Variants in AK9 observed in about 807,000 individuals in gnomAD.
AK9 encodes adenylate kinase 9.
A neutral mutation model predicts 239.6 loss-of-function variants in AK9; 191 were observed. The ratio of observed to expected loss-of-function variants is 0.80; its 90% confidence interval spans 0.71 to 0.90. The LOEUF (loss-of-function observed/expected upper bound fraction) is 0.90. Ranked by LOEUF, AK9 falls within the 40% of genes least tolerant of loss-of-function variation. The pLI is 0.00. For missense variants in AK9, 1,995 were observed against 2,214.7 expected (o/e 0.90, Z 1.99); for synonymous variants, 689 against 721.0 (o/e 0.96, Z 0.71).
intron 21 of AK9, among the ~76,000 whole-genome samples, chr6:109,570,279 G>A (rs950855597): frequency 5.9e-5 from 9 of 151,956 alleles, no homozygotes; most frequent in African/African-American, 1.4e-4. Context: ...GGAGCCTGTC[G>A]TGGGGTGGGG....
chr6:109,644,258 T>G (rs1583395051), intron 9 of AK9, among the ~76,000 whole-genome samples: 1 of 152,336 alleles, frequency 6.6e-6, no homozygotes, highest in African/African-American at 2.4e-5. Flanking sequence ...TTATGTTTGT[T>G]TGTTTTTACT....
rs1394292863 is a variant in AK9, at chr6:109,564,045, C to G, written c.2635+35G>C. ...AAAATGCTTCTAATACTATCACCTGCTGTTGATAATAAATGTTATGATTAA... is the reference window on the plus strand; with the variant it reads ...AAAATGCTTCTAATACTATCACCTGGTGTTGATAATAAATGTTATGATTAA... On this transcript the variant is annotated intron_variant, in intron 23 of 40. Coordinates refer to ENST00000424296, the MANE Select transcript of AK9 (RefSeq NM_001145128.3). 2.0e-6 allele frequency: 3 copies of G among 1,514,128 alleles called. No homozygotes were observed. The Admixed American group carries it at 6.3e-5, about 32-fold the overall frequency. 93.8% of individuals were successfully genotyped at this position (1,514,128 alleles called of 1,614,324 possible).
chr6:109,641,670 C>T, intron 9 of AK9, 54 bp from the exon 10 acceptor site: 1 of 1,469,980 alleles, frequency 6.8e-7, no homozygotes, highest in Non-Finnish European at 9.4e-7. Flanking sequence ...ATCTCAAATA[C>T]TCTGAAACAG....
chr6:109,528,053 A>T (rs1010620972), intron 29 of AK9: 31 of 157,046 alleles, frequency 2.0e-4, no homozygotes, highest in Non-Finnish European at 3.5e-4. Context: ...GTTGAATGTC[A>T]CATGTGTCAG....
intron 17 of AK9, among the ~76,000 whole-genome samples, chr6:109,605,340 G>A (rs1390220162): frequency 6.6e-6 from 1 of 152,172 alleles, no homozygotes; most frequent in African/African-American, 2.4e-5. Context: ...GTGGTCTGCA[G>A]CCTGAAGCCA....
At chr6:109,685,482 G>T (rs1283325749) in intron 1 of AK9, among the ~76,000 whole-genome samples, 1 of 150,864 alleles carries the variant, frequency 6.6e-6, no homozygotes, top group Non-Finnish European at 1.5e-5. Flanking sequence ...CACAAGAACA[G>T]AAAACCAAAC....
chr6:109,569,450 G>A (rs186022218), intron 21 of AK9, among the ~76,000 whole-genome samples: 1 of 152,230 alleles, frequency 6.6e-6, no homozygotes, highest in East Asian at 1.9e-4. Flanking sequence ...AAACTAAGGA[G>A]GTTCTGCCCA....
At chr6:109,620,911 C>A (rs1350125002) in intron 12 of AK9, among the ~76,000 whole-genome samples, 4 of 151,150 alleles carry the variant, frequency 2.6e-5, no homozygotes, top group Admixed American at 6.6e-5. Flanking sequence ...AAGAGCATAA[C>A]CATTAGGCAT....
chr6:109,523,243 AAG>A (rs35068362), intron 29 of AK9, among the ~76,000 whole-genome samples: 52,354 of 151,814 alleles, frequency 0.34, 9,479 homozygotes, highest in South Asian at 0.44. Flanking sequence ...AAGATCATCT[AAG>A]AGACTCTCAG....
intron 27 of AK9, among the ~76,000 whole-genome samples, chr6:109,538,553 T>G (rs1162838475): frequency 2.0e-5 from 3 of 152,150 alleles, no homozygotes; most frequent in Non-Finnish European, 4.4e-5. Context: ...TCTTGACTCT[T>G]TATCCAATTT....
rs147633252 is a variant in AK9, at chr6:109,565,996, A to G, written c.2345-1151T>C. On this transcript the variant is annotated intron_variant, in intron 21 of 40. Coordinates refer to ENST00000424296, the MANE Select transcript of AK9 (RefSeq NM_001145128.3). ...TCAATTAAGAAAATCATTACAAACC[A>G]TGGAAGAGAAAAGAACACCAAGAAT... Among the ~76,000 whole-genome samples the G allele has an allele frequency of 4.6e-4, 70 of 152,264 alleles. No individual in the cohort carries two copies. The East Asian group carries it at 6.6e-3, about 14-fold the overall frequency.
chr6:109,626,926 C>T (rs545112888), intron 12 of AK9, among the ~76,000 whole-genome samples: 2 of 152,194 alleles, frequency 1.3e-5, no homozygotes, highest in Admixed American at 6.5e-5. Flanking sequence ...TTAGGCTACA[C>T]TAAATTTATT....
chr6:109,596,795 G>A (rs1056517754), intron 17 of AK9, among the ~76,000 whole-genome samples: 2 of 152,178 alleles, frequency 1.3e-5, no homozygotes, highest in African/African-American at 2.4e-5. Flanking sequence ...ATAGAGCTGC[G>A]ATAAATATAT....
intron 24 of AK9, among the ~76,000 whole-genome samples, chr6:109,552,945 C>G (rs1239532681): frequency 1.3e-5 from 2 of 152,168 alleles, no homozygotes; most frequent in Non-Finnish European, 2.9e-5. Context: ...TTCCCAGCAC[C>G]ATTTACTGAA....
chr6:109,514,556 AAAACTAATTAT>A, intron 31 of AK9, 119 bp from the exon 32 acceptor site: 1 of 833,624 alleles, frequency 1.2e-6, no homozygotes, highest in Non-Finnish European at 1.8e-6. Flanking sequence ...ACAGAATAAG[AAAACTAATTAT>A]AATCAAAGGT....
chr6:109,643,764 C>A (rs909234125), intron 9 of AK9, among the ~76,000 whole-genome samples: 3 of 152,122 alleles, frequency 2.0e-5, no homozygotes, highest in African/African-American at 7.2e-5. Flanking sequence ...ACGTTCCAGT[C>A]CTATATTCAG....
intron 21 of AK9, among the ~76,000 whole-genome samples, chr6:109,570,096 A>G (rs1288204392): frequency 6.6e-6 from 1 of 152,236 alleles, no homozygotes; most frequent in Non-Finnish European, 1.5e-5. Context: ...AATACTATGC[A>G]GCCATTAAAA....
At chr6:109,642,334 T>A (rs1186290376) in intron 9 of AK9, among the ~76,000 whole-genome samples, 1 of 152,130 alleles carries the variant, frequency 6.6e-6, no homozygotes, top group African/African-American at 2.4e-5. Flanking sequence ...ACACAGATCA[T>A]GAGATGGGAG....
chr6:109,653,105 T>A (rs2128306622), intron 8 of AK9, among the ~76,000 whole-genome samples: 1 of 152,248 alleles, frequency 6.6e-6, no homozygotes, highest in African/African-American at 2.4e-5. Flanking sequence ...TTTTGTATTT[T>A]TAGTAGAGAG....
Sources: gnomAD v4.1 joint callset for allele counts (sites outside exome capture counted in the v4.1 genomes callset) on GRCh38, gnomAD v4.1.1 for gene constraint, MANE v1.5 for transcripts, NCBI Gene and HGNC (gene_info 2026-07-23, HGNC 2026-07-21) for gene names.